The following FBXW11 variants were observed in gnomAD, a reference collection of about 807,000 sequenced individuals.
The protein encoded by FBXW11 is F-box and WD repeat domain containing 11, also known as F-box/WD repeat-containing protein 11.
FBXW11 carries 19 observed loss-of-function variants against 77.6 expected under a neutral mutation model. That is an observed-to-expected ratio of 0.24 (90% CI 0.17 to 0.36). The LOEUF (loss-of-function observed/expected upper bound fraction) is 0.36, where lower values mean the gene tolerates loss of function less well. Among genes scored for constraint, FBXW11 ranks in the 10% least tolerant of loss-of-function variants. FBXW11 has a pLI of 1.00. For synonymous variants in FBXW11, 235 were observed against 249.4 expected (o/e 0.94, Z 0.54); for missense variants, 334 against 704.2 (o/e 0.47, Z 5.95).
intron 8 of FBXW11, 122 bp downstream of exon 8, chr5:171,877,886 AAGT>A: frequency 1.3e-6 from 1 of 742,686 alleles, no homozygotes; most frequent in Non-Finnish European, 2.3e-6. Flanking sequence ...TCTACAATAA[AAGT>A]AGTTTGAAAT....
chr5:171,953,897 GGC>G (rs1342177677), intron 2 of FBXW11, among the ~76,000 whole-genome samples: 1 of 152,070 alleles, frequency 6.6e-6, no homozygotes, highest in Non-Finnish European at 1.5e-5. Context: ...AGACCACTGT[GGC>G]TCACTACACC....
chr5:171,994,663 T>A (rs1391025557), intron 1 of FBXW11, among the ~76,000 whole-genome samples: 1 of 152,110 alleles, frequency 6.6e-6, no homozygotes, highest in Non-Finnish European at 1.5e-5. Context: ...AAAGAATAAG[T>A]ACCCAGTATT....
intron 1 of FBXW11, among the ~76,000 whole-genome samples, chr5:171,965,180 T>C (rs1249795887): frequency 6.6e-6 from 1 of 152,164 alleles, no homozygotes; most frequent in Admixed American, 6.5e-5. Flanking sequence ...ACCACTATAA[T>C]TTTTTTAATT....
chr5:171,926,349 G>A (rs768292212), intron 2 of FBXW11, among the ~76,000 whole-genome samples: 3 of 152,200 alleles, frequency 2.0e-5, no homozygotes, highest in African/African-American at 4.8e-5. Context: ...AATTTTAAGA[G>A]ATAATCCTGG....
chr5:171,923,893 C>G (rs192334361), intron 2 of FBXW11, among the ~76,000 whole-genome samples: 1 of 137,308 alleles, frequency 7.3e-6, no homozygotes, highest in African/African-American at 2.7e-5. Context: ...GGGGAGGGTC[C>G]GCGGTGAAAC....
chr5:171,872,653 A>C (rs1053899975), intron 10 of FBXW11, among the ~76,000 whole-genome samples: 18 of 152,180 alleles, frequency 1.2e-4, no homozygotes, highest in African/African-American at 4.1e-4. Context: ...GAGGTTAAAA[A>C]ACTTTGTGTA....
intron 1 of FBXW11, among the ~76,000 whole-genome samples, chr5:171,970,207 C>T (rs992956250): frequency 2.6e-5 from 4 of 152,168 alleles, no homozygotes; most frequent in Non-Finnish European, 4.4e-5. Context: ...TGTAATCCCT[C>T]GAAGGAGGGA....
At chr5:171,909,732 C>A (rs550090538) in intron 4 of FBXW11, among the ~76,000 whole-genome samples, 1 of 152,046 alleles carries the variant, frequency 6.6e-6, no homozygotes, top group African/African-American at 2.4e-5. Flanking sequence ...CATGTACACA[C>A]CTATGTGTGT....
At chr5:171,875,346 C>A (rs147467446) in intron 9 of FBXW11, among the ~76,000 whole-genome samples, 26 of 152,100 alleles carry the variant, frequency 1.7e-4, no homozygotes, top group Admixed American at 7.8e-4. Flanking sequence ...GTGAAAGCAG[C>A]GAGAAATAAA....
chr5:171,873,181 A>G (rs781448454), intron 9 of FBXW11, among the ~76,000 whole-genome samples, 191 bp from the exon 10 acceptor site: 1 of 152,194 alleles, frequency 6.6e-6, no homozygotes, highest in Non-Finnish European at 1.5e-5. Context: ...CTGCTGAGTA[A>G]TAACACTGGA....
chr5:171,974,598 A>G (rs1171982001), intron 1 of FBXW11, among the ~76,000 whole-genome samples: 2 of 152,076 alleles, frequency 1.3e-5, no homozygotes, highest in Admixed American at 1.3e-4. Context: ...CTATGCCTAC[A>G]GTTTCAGCTA....
intron 1 of FBXW11, among the ~76,000 whole-genome samples, chr5:171,990,443 G>C (rs1293250122): frequency 6.6e-6 from 1 of 152,150 alleles, no homozygotes; most frequent in Non-Finnish European, 1.5e-5. Context: ...AGGGCAATGT[G>C]GCAATGTCTA....
In FBXW11 at chr5:171,904,794, T is replaced by C. The variant is rs1277191095; in HGVS notation, c.437-4694A>G. On this transcript the variant is annotated intron_variant, in intron 4 of 13. Transcript: ENST00000517395. This position sits in a 1 kb window ranked among gnomAD's most constrained non-coding sequence, Gnocchi z 4.0. ...ACCATGTTGGCCAGGATGGTCTTGA[T>C]CTCTTGACCTCATGATCCACCCAAC... 6.6e-6 allele frequency among the ~76,000 whole-genome samples: 1 copy of C among 152,012 alleles called. No homozygotes were observed. The highest frequency in any genetic ancestry group is 2.4e-5 in the African/African-American group (1 of 41,368).
At position 171,962,988 on chromosome 5, in the gene FBXW11, C is replaced by T. The variant is rs551653279; in HGVS notation, c.46-5290G>A. Among the ~76,000 whole-genome samples, 9 of 152,082 alleles carry T rather than the reference C, an allele frequency of 5.9e-5. No individual in the cohort carries two copies. In the East Asian group the frequency reaches 1.7e-3, roughly 29 times the overall value. ...CCACCACCAATCTTTTTATTTAATCCACTTCCCACAGAATCATTACCAGCT... is the reference window on the plus strand; with the variant it reads ...CCACCACCAATCTTTTTATTTAATCTACTTCCCACAGAATCATTACCAGCT... On this transcript the variant is annotated intron_variant, in intron 1 of 13. Coordinates refer to ENST00000517395, the MANE Select transcript of FBXW11 (RefSeq NM_001378974.1).
chr5:171,899,438 C>T (rs940138303), intron 5 of FBXW11, among the ~76,000 whole-genome samples: 1 of 152,168 alleles, frequency 6.6e-6, no homozygotes, highest in African/African-American at 2.4e-5. Flanking sequence ...CTATATGCAC[C>T]TCTGTCTGTA....
At chr5:171,878,926 GA>G (rs1307697278) in intron 7 of FBXW11, among the ~76,000 whole-genome samples, 1 of 152,108 alleles carries the variant, frequency 6.6e-6, no homozygotes, top group Non-Finnish European at 1.5e-5. Flanking sequence ...AGTGGAAAAT[GA>G]AATGTCCAGC....
At chr5:171,989,870 T>C (rs577738016) in intron 1 of FBXW11, among the ~76,000 whole-genome samples, 63 of 152,234 alleles carry the variant, frequency 4.1e-4, no homozygotes, top group Non-Finnish European at 4.7e-4. Flanking sequence ...GAAAACAGTA[T>C]TGTGGTTACA....
chr5:171,990,816 T>C lies in FBXW11; in HGVS notation c.45+15642A>G, dbSNP rs570846909. On this transcript the variant is annotated intron_variant, in intron 1 of 13. Coordinates refer to ENST00000517395, the MANE Select transcript of FBXW11 (RefSeq NM_001378974.1). ...TGGCTAGAAGGAATGAGAAACTTTT[T>C]TTTTTCGCTGGTTACTCCCTTTTGC... Among the ~76,000 whole-genome samples, 59 of 152,246 alleles carry C rather than the reference T, an allele frequency of 3.9e-4. 3 individuals carry two copies. The South Asian group carries it at 0.011, about 28-fold the overall frequency.
Position 172,006,520 on chromosome 5 carries a change from C to T in FBXW11, c.-18G>A. The T allele has an allele frequency of 6.7e-7, 1 of 1,501,050 alleles. No individual in the cohort carries two copies. Among genetic ancestry groups the T allele is most frequent in the South Asian group, 1.3e-5 (1 of 79,106 alleles). The allele number at this position is 1,501,050 out of a possible 1,614,324, so 93.0% of individuals were successfully genotyped here. A position where few individuals can be genotyped will look rare whatever the true frequency, so the allele number is the denominator to read the frequency against. ...GGCTCCATGGCGGCCCCGGCGGCCC[C>T]GCCTCGCTCTCCCCGCGCAGCAGCG... On this transcript the variant is annotated 5_prime_UTR_variant, in exon 1 of 14. Transcript: ENST00000517395.
Sources: gnomAD v4.1 joint callset for allele counts (sites outside exome capture counted in the v4.1 genomes callset) on GRCh38, gnomAD v4.1.1 for gene constraint, Gnocchi (gnomAD v3.1) non-coding constraint, MANE v1.5 for transcripts, NCBI Gene and HGNC (gene_info 2026-07-23, HGNC 2026-07-21) for gene names.